MIER2: variants seen among roughly 807,000 people sequenced by gnomAD.
The protein encoded by MIER2 is MIER family member 2, also known as mesoderm induction early response protein 2.
In MIER2, 30 loss-of-function variants were observed where a neutral mutation model predicts 67.6. The ratio of observed to expected loss-of-function variants is 0.44; its 90% CI spans 0.33 to 0.60. The LOEUF (loss-of-function observed/expected upper bound fraction) is 0.60. Ranked by LOEUF, MIER2 falls within the 20% of genes least tolerant of loss-of-function variation. The pLI is 0.02. For synonymous variants in MIER2, 372 were observed against 312.6 expected (o/e 1.19, Z -2.00); for missense variants, 702 against 745.1 (o/e 0.94, Z 0.67).
rs942375655 is a variant in MIER2, at chr19:305,958, G to A, written c.*732C>T. The A allele has an allele frequency of 6.6e-6, 1 of 152,302 alleles. No individual in the cohort carries two copies. The highest frequency in any genetic ancestry group is 2.4e-5 in the African/African-American group (1 of 41,448). The allele number at this position is 152,302 out of a possible 1,614,324, so 9.4% of individuals were successfully genotyped here. ...TGGTACCGGGGGAGGACAGCAAAGG[G>A]GATGTAAATCACCTGTCTCCTCAAA... On this transcript the variant is annotated 3_prime_UTR_variant, in exon 14 of 14. Coordinates refer to ENST00000264819, the MANE Select transcript of MIER2 (RefSeq NM_017550.3).
At chr19:344,435 T>C (rs1972647308) in intron 1 of MIER2, 1 of 958,542 alleles carries the variant, frequency 1.0e-6, no homozygotes, top group African/African-American at 1.8e-5. Context: ...AGCCGGACCC[T>C]GGAACGGAGC....
chr19:328,194 G>A (rs911537384), intron 3 of MIER2, among the ~76,000 whole-genome samples: 15 of 152,096 alleles, frequency 9.9e-5, no homozygotes, highest in Admixed American at 2.6e-4. Flanking sequence ...AGAGGCACCA[G>A]AGCCTAGGGG....
At chr19:317,264 G>A (rs1243495711) in intron 7 of MIER2, among the ~76,000 whole-genome samples, 4 of 149,196 alleles carry the variant, frequency 2.7e-5, no homozygotes, top group East Asian at 2.0e-4. Context: ...GCGGTGGCGG[G>A]CACCTGTAAT....
chr19:325,637 T>C lies in MIER2; in HGVS notation c.653A>G (p.Lys218Arg), dbSNP rs759671932. The change falls in exon 7 of 14, where the codon AAG becomes AGG. Residue 218 changes from lysine to arginine, a missense_variant and splice_region_variant. This residue lies in a region of MIER2 where 320 missense variants were observed against 292.6 expected (regional missense o/e 1.09). Coordinates refer to ENST00000264819, the MANE Select transcript of MIER2 (RefSeq NM_017550.3). Reference protein sequence around the residue: ...SNLHLNRHCEKIYENEDQLLW... With the variant: ...SNLHLNRHCERIYENEDQLLW... ...TCCTCTCCCCAGGCCCTACTTACTC[T>C]TCTCACAGTGCCGGTTCAAGTGCAG... 1 of 1,614,140 alleles carries C rather than the reference T, an allele frequency of 6.2e-7. No individual in the cohort carries two copies. The highest frequency in any genetic ancestry group is 1.7e-5 in the Admixed American group (1 of 60,028).
At chr19:316,797 C>G (rs971099306) in intron 7 of MIER2, among the ~76,000 whole-genome samples, 1 of 151,874 alleles carries the variant, frequency 6.6e-6, no homozygotes, top group Non-Finnish European at 1.5e-5. Context: ...AGTGACACCT[C>G]ATCCCTACTA....
chr19:332,463 G>A (rs956232770), intron 3 of MIER2, among the ~76,000 whole-genome samples: 13 of 151,564 alleles, frequency 8.6e-5, no homozygotes, highest in African/African-American at 2.2e-4. Flanking sequence ...TACCACGCCC[G>A]GCTAATTTTT....
At chr19:343,298 T>C (rs1157277652) in intron 1 of MIER2, among the ~76,000 whole-genome samples, 1 of 152,184 alleles carries the variant, frequency 6.6e-6, no homozygotes, top group Non-Finnish European at 1.5e-5. Flanking sequence ...TCAGGCCACG[T>C]GTGTTGCCCA....
At position 308,896 on chromosome 19, in the gene MIER2, G is replaced by A. The variant is rs566019073; in HGVS notation, c.1014C>T (p.Val338=). ...KVRTRSVGEC[V]EYYYLWKKSE... The stretch of plus-strand genomic sequence containing the variant: ...ACTTCTTCCACAGGTAGTAGTACTC[G>A]ACACACTCGCCCACTGACCGTGTGC... Residue 338 remains valine (V), a synonymous_variant, in exon 11 of 14, where the codon GTC becomes GTT. Transcript: ENST00000264819. This position sits in a 1 kb window ranked among gnomAD's most constrained non-coding sequence, Gnocchi z 9.1. 22 of 1,609,064 alleles carry A rather than the reference G, an allele frequency of 1.4e-5. No individual in the cohort carries two copies. The highest frequency in any genetic ancestry group is 1.1e-4 in the African/African-American group (8 of 74,910).
chr19:331,992 AAGAC>A (rs896294988), intron 3 of MIER2, among the ~76,000 whole-genome samples: 1 of 152,302 alleles, frequency 6.6e-6, no homozygotes, highest in South Asian at 2.1e-4. Flanking sequence ...AAAAAATAAA[AAGAC>A]AGAAGCTGGA....
At chr19:343,987 A>T in intron 1 of MIER2, 1 of 985,458 alleles carries the variant, frequency 1.0e-6, no homozygotes, top group Non-Finnish European at 1.2e-6. Context: ...GTTTGATCAA[A>T]CATCACAGTC....
At chr19:315,961 A>T (rs79339108) in intron 7 of MIER2, among the ~76,000 whole-genome samples, 2 of 152,266 alleles carry the variant, frequency 1.3e-5, no homozygotes, top group African/African-American at 4.8e-5. Context: ...AAAGGGCACA[A>T]TGACTTCAGA....
intron 2 of MIER2, among the ~76,000 whole-genome samples, 173 bp from the exon 3 acceptor site, chr19:334,715 C>T (rs1002950658): frequency 6.6e-6 from 1 of 152,156 alleles, no homozygotes; most frequent in African/African-American, 2.4e-5. Flanking sequence ...CACAGGAGCA[C>T]GGCTGGTGAG....
At chr19:342,451 C>T (rs1221545302) in intron 1 of MIER2, among the ~76,000 whole-genome samples, 1 of 151,904 alleles carries the variant, frequency 6.6e-6, no homozygotes, top group Non-Finnish European at 1.5e-5. Context: ...CAAACAGGAG[C>T]CCAGGGCCCT....
At chr19:317,096 T>C (rs1462625949) in intron 7 of MIER2, among the ~76,000 whole-genome samples, 1 of 151,894 alleles carries the variant, frequency 6.6e-6, no homozygotes, top group Non-Finnish European at 1.5e-5. Flanking sequence ...TATAAAAAAA[T>C]TAAAAAACAA....
intron 7 of MIER2, among the ~76,000 whole-genome samples, chr19:317,489 T>C (rs1201644814): frequency 1.3e-5 from 2 of 151,436 alleles, no homozygotes; most frequent in Non-Finnish European, 2.9e-5. Flanking sequence ...ATCGCGCCAC[T>C]GCACTCCAAC....
chr19:328,621 A>C (rs4897950), intron 3 of MIER2, among the ~76,000 whole-genome samples: 1 of 151,934 alleles, frequency 6.6e-6, no homozygotes. Context: ...GGTGGCATCC[A>C]CCTGTAGTCT....
chr19:343,763 T>G (rs1972610071), intron 1 of MIER2: 2 of 833,612 alleles, frequency 2.4e-6, no homozygotes, highest in South Asian at 5.5e-5. Context: ...AGTCATGCAC[T>G]GAGTCCCACT....
chr19:327,006 C>A, intron 5 of MIER2, 127 bp downstream of exon 5: 1 of 1,351,636 alleles, frequency 7.4e-7, no homozygotes, highest in Non-Finnish European at 9.9e-7. Flanking sequence ...TGACGCTTCC[C>A]GCCAGGCAGA....
intron 5 of MIER2, 74 bp from the exon 6 acceptor site, chr19:326,672 C>A: frequency 8.5e-7 from 1 of 1,180,528 alleles, no homozygotes; most frequent in African/African-American, 1.5e-5. Flanking sequence ...TCTCCACTCC[C>A]ATTCTCCATC....
Sources: gnomAD v4.1 joint callset for allele counts (sites outside exome capture counted in the v4.1 genomes callset) on GRCh38, gnomAD v4.1.1 for gene constraint, gnomAD v4.1.1 regional missense constraint, Gnocchi (gnomAD v3.1) non-coding constraint, MANE v1.5 for transcripts, NCBI Gene and HGNC (gene_info 2026-07-23, HGNC 2026-07-21) for gene names.